The following INPP5D variants were observed in gnomAD, a reference collection of about 807,000 sequenced individuals.
INPP5D encodes inositol polyphosphate-5-phosphatase D, also known as phosphatidylinositol 3,4,5-trisphosphate 5-phosphatase 1.
Under a neutral mutation model 122.9 loss-of-function variants are expected in INPP5D, and 33 were observed. The observed-to-expected ratio is 0.27, with a 90% CI of 0.20 to 0.36. The LOEUF (loss-of-function observed/expected upper bound fraction) is 0.36. Among genes scored for constraint, INPP5D ranks in the 10% least tolerant of loss-of-function variants. INPP5D has a pLI of 1.00. For synonymous variants in INPP5D, 584 were observed against 576.2 expected, an observed-to-expected ratio of 1.01 and a Z score of -0.19; for missense variants, 1,053 against 1,412.7, an observed-to-expected ratio of 0.75 and a Z score of 4.08.
At chr2:233,090,090 G>A (rs904163878) in intron 2 of INPP5D, among the ~76,000 whole-genome samples, 3 of 152,202 alleles carry the variant, frequency 2.0e-5, no homozygotes, top group East Asian at 1.9e-4. Flanking sequence ...GGTCTCAGTC[G>A]CCCGAGTGTC....
chr2:233,098,065 A>C (rs1390709687), intron 2 of INPP5D, among the ~76,000 whole-genome samples: 1 of 151,834 alleles, frequency 6.6e-6, no homozygotes, highest in Non-Finnish European at 1.5e-5. Flanking sequence ...TTTGTATTTT[A>C]AGTAGATTTA....
chr2:233,187,398 G>C (rs1209119107), intron 21 of INPP5D, among the ~76,000 whole-genome samples: 3 of 152,212 alleles, frequency 2.0e-5, no homozygotes, highest in Non-Finnish European at 1.5e-5. Flanking sequence ...GGGCGTCTTG[G>C]AGGCTCCCCT....
intron 18 of INPP5D, among the ~76,000 whole-genome samples, chr2:233,182,123 G>T (rs1261218071): frequency 6.6e-6 from 1 of 152,056 alleles, no homozygotes; most frequent in Non-Finnish European, 1.5e-5. Flanking sequence ...TAAGTACAAT[G>T]ATTAGACCAG....
At chr2:233,074,387 G>T (rs773071268) in intron 1 of INPP5D, among the ~76,000 whole-genome samples, 1 of 152,094 alleles carries the variant, frequency 6.6e-6, no homozygotes, top group Non-Finnish European at 1.5e-5. Context: ...AATAATACTC[G>T]GCCAGCCTCA....
chr2:233,079,048 G>A lies in INPP5D; in HGVS notation c.135-287G>A, dbSNP rs181407253. ...GTTAAGAAAGCCCCTCCATGTGGCA[G>A]ACTCCTTTAGATCAGATCCTTTAGC... On this transcript the variant is annotated intron_variant, in intron 1 of 26. Coordinates refer to ENST00000445964, the MANE Select transcript of INPP5D (RefSeq NM_001017915.3). Among the ~76,000 whole-genome samples the A allele has an allele frequency of 1.2e-4, 19 of 152,224 alleles. No homozygotes were observed. In the East Asian group the frequency reaches 3.5e-3, roughly 28 times the overall value.
chr2:233,080,275 G>A lies in INPP5D; in HGVS notation c.198+877G>A, dbSNP rs151108492. On this transcript the variant is annotated intron_variant, in intron 2 of 26. Coordinates refer to ENST00000445964, the MANE Select transcript of INPP5D (RefSeq NM_001017915.3). ...AAATCAGCTGCACCCGTCCAAGCCCGGGAAGGCCACCCTAAGCACGGTTTA... is the reference window on the plus strand; with the variant it reads ...AAATCAGCTGCACCCGTCCAAGCCCAGGAAGGCCACCCTAAGCACGGTTTA... 5.3e-4 allele frequency among the ~76,000 whole-genome samples: 80 copies of A among 152,262 alleles called. 1 individual carries two copies. Among genetic ancestry groups the A allele is most frequent in the Non-Finnish European group, 7.9e-4 (54 of 68,024 alleles).
At chr2:233,203,450 T>C (rs1018530212) in intron 25 of INPP5D, among the ~76,000 whole-genome samples, 1 of 152,216 alleles carries the variant, frequency 6.6e-6, no homozygotes, top group African/African-American at 2.4e-5. Context: ...GATGCTCTGA[T>C]GTGAACAGGT....
intron 1 of INPP5D, among the ~76,000 whole-genome samples, chr2:233,065,881 G>A (rs1324438764): frequency 5.9e-5 from 9 of 151,576 alleles, no homozygotes; most frequent in Admixed American, 4.6e-4. Flanking sequence ...TCCTGACCTC[G>A]TGATCCACCT....
chr2:233,113,998 C>T (rs1692711781), intron 2 of INPP5D, among the ~76,000 whole-genome samples: 1 of 151,776 alleles, frequency 6.6e-6, no homozygotes, highest in African/African-American at 2.4e-5. Flanking sequence ...GCAAGCTCCG[C>T]CTCCCGGGTT....
At chr2:233,065,610 T>G in intron 1 of INPP5D, among the ~76,000 whole-genome samples, 1 of 6,952 alleles carries the variant, frequency 1.4e-4, no homozygotes, top group African/African-American at 9.7e-4. Flanking sequence ...TTTCTTTCTT[T>G]CTTTCTTTCT....
rs539975896 is a variant in INPP5D at position 233,125,809 on chromosome 2, T to C, written c.414T>C (p.Cys138=). The C allele has an allele frequency of 6.2e-7, 1 of 1,613,862 alleles. No individual in the cohort carries two copies. The highest frequency in any genetic ancestry group is 2.2e-5 in the East Asian group (1 of 44,872). Residue 138 remains cysteine, a synonymous_variant, in exon 4 of 27, where the codon TGT becomes TGC. Transcript: ENST00000445964. ...PRNIPLTASS[C]EAKEVPFSNE... ...ACATCCCGCTGACTGCCAGCTCCTG[T>C]GAGGCCAAGGAGGTTCCTTTTTCAA...
In INPP5D at chr2:233,164,328, A is replaced by G; in HGVS notation, c.1459A>G (p.Asn487Asp). ...FKTVAIHTLWNIRIVVLAKPE... is the reference protein window; with the variant it reads ...FKTVAIHTLWDIRIVVLAKPE... ...CCAGGTCGCCATCCACACGCTCTGG[A>G]ACATCCGCATCGTGGTGCTGGCCAA... The change falls in exon 13 of 27, where the codon AAC becomes GAC. Residue 487 changes from asparagine to aspartate, a missense_variant. Around this residue, in one of 6 missense-constraint regions of INPP5D, gnomAD observed 105 missense variants for 199.8 expected, o/e 0.53. Coordinates refer to ENST00000445964, the MANE Select transcript of INPP5D (RefSeq NM_001017915.3). This position sits in a 1 kb window ranked among gnomAD's most constrained non-coding sequence, Gnocchi z 4.3. The G allele has an allele frequency of 6.4e-7, 1 of 1,551,738 alleles. No homozygotes were observed. The highest frequency in any genetic ancestry group is 2.0e-5 in the Admixed American group (1 of 50,994).
intron 2 of INPP5D, among the ~76,000 whole-genome samples, chr2:233,085,709 C>T (rs938526268): frequency 1.6e-4 from 24 of 152,260 alleles, no homozygotes; most frequent in African/African-American, 5.5e-4. Context: ...TTCTAGCCCC[C>T]TGGGGTACAC....
intron 2 of INPP5D, among the ~76,000 whole-genome samples, chr2:233,098,848 G>A (rs903274345): frequency 6.6e-6 from 1 of 152,170 alleles, no homozygotes; most frequent in Non-Finnish European, 1.5e-5. Context: ...CCCATTCAGC[G>A]ATCCAGCTTC....
chr2:233,070,094 T>C lies in INPP5D; in HGVS notation c.135-9241T>C, dbSNP rs1691336349. ...GTCACGTTGAGCTTATTTGATAGAG[T>C]TATTGACCCTCATAATCCCTCTTTC... On this transcript the variant is annotated intron_variant, in intron 1 of 26. Transcript: ENST00000445964. 2.0e-5 allele frequency among the ~76,000 whole-genome samples: 3 copies of C among 152,236 alleles called. No individual in the cohort carries two copies. The South Asian group carries it at 6.2e-4, about 31-fold the overall frequency.
At chr2:233,121,192 T>C (rs1348431627) in intron 2 of INPP5D, among the ~76,000 whole-genome samples, 1 of 147,948 alleles carries the variant, frequency 6.8e-6, no homozygotes, top group East Asian at 2.0e-4. Context: ...AGTGCAGTGG[T>C]GTGATCTTGG....
At chr2:233,121,217 C>T (rs529313968) in intron 2 of INPP5D, among the ~76,000 whole-genome samples, 153 of 149,696 alleles carry the variant, frequency 1.0e-3, no homozygotes, top group Non-Finnish European at 1.8e-3. Flanking sequence ...CTGCAACCTC[C>T]GCCTCCCAGG....
intron 5 of INPP5D, 115 bp downstream of exon 5, chr2:233,130,763 C>G (rs1385172410): frequency 9.2e-7 from 1 of 1,087,892 alleles, no homozygotes. Flanking sequence ...GCCGCACTCA[C>G]AATAATTGAG....
At chr2:233,075,685 C>A (rs1266441189) in intron 1 of INPP5D, among the ~76,000 whole-genome samples, 4 of 152,094 alleles carry the variant, frequency 2.6e-5, no homozygotes, top group South Asian at 2.1e-4. Context: ...CTTCCTCCAC[C>A]GCTTGGCAGA....
Sources: gnomAD v4.1 joint callset for allele counts (sites outside exome capture counted in the v4.1 genomes callset) on GRCh38, gnomAD v4.1.1 for gene constraint, gnomAD v4.1.1 regional missense constraint, Gnocchi (gnomAD v3.1) non-coding constraint, MANE v1.5 for transcripts, NCBI Gene and HGNC (gene_info 2026-07-23, HGNC 2026-07-21) for gene names.